The following NRXN1 variants were observed in gnomAD, a reference collection of about 807,000 sequenced individuals.
NRXN1 encodes the protein neurexin 1.
Under a neutral mutation model 150.9 loss-of-function variants are expected in NRXN1, and 39 were observed. That is an observed-to-expected ratio of 0.26 (90% CI 0.20 to 0.34). The LOEUF (loss-of-function observed/expected upper bound fraction) is 0.34. NRXN1 is among the 10% of genes least tolerant of loss of function. NRXN1 has a pLI of 1.00. For synonymous variants in NRXN1, 924 were observed against 757.0 expected, an observed-to-expected ratio of 1.22 and a Z score of -3.62; for missense variants, 1,815 against 1,949.9, an observed-to-expected ratio of 0.93 and a Z score of 1.30.
At chr2:50,479,777 T>TC (rs1375984419) in intron 15 of NRXN1, among the ~76,000 whole-genome samples, 2 of 131,674 alleles carry the variant, frequency 1.5e-5, no homozygotes, top group East Asian at 4.3e-4. Context: ...CTTTTTTTTT[T>TC]TTTTTTTTTT....
rs1393772127 is a variant in NRXN1 at position 50,627,352 on chromosome 2, CATGT to C, written c.833-3741_833-3738del. Among the ~76,000 whole-genome samples the C allele has an allele frequency of 6.5e-5, 6 of 91,868 alleles. 1 individual carries two copies. The South Asian group carries it at 2.9e-3, about 44-fold the overall frequency. 60.3% of individuals were successfully genotyped at this position (91,868 alleles called of 152,430 possible). ...ATAGGTAGTCAAGTGGGTTCTGGTT[CATGT>C]ATGTGTGTGTGTGTGTGTGTGTGTG... is the stretch of plus-strand genomic sequence containing the variant. On this transcript the variant is annotated intron_variant, in intron 5 of 22. Coordinates refer to ENST00000401669, the MANE Select transcript of NRXN1 (RefSeq NM_001330078.2).
intron 8 of NRXN1, among the ~76,000 whole-genome samples, chr2:50,576,134 T>A (rs1671404454): frequency 6.6e-6 from 1 of 152,190 alleles, no homozygotes; most frequent in South Asian, 2.1e-4. Flanking sequence ...TCCATACACA[T>A]ATTTTCAGAA....
chr2:50,231,619 C>T (rs2064948887), intron 18 of NRXN1, among the ~76,000 whole-genome samples: 1 of 152,054 alleles, frequency 6.6e-6, no homozygotes, highest in Non-Finnish European at 1.5e-5. Flanking sequence ...CTCTTTTATG[C>T]TCCCAAGATG....
At chr2:50,007,694 A>G (rs575612538) in intron 21 of NRXN1, among the ~76,000 whole-genome samples, 1 of 152,206 alleles carries the variant, frequency 6.6e-6, no homozygotes, top group East Asian at 1.9e-4. Context: ...ATAAACATAC[A>G]TGTGCATGTG....
chr2:50,590,601 G>C (rs750051518), intron 8 of NRXN1, among the ~76,000 whole-genome samples: 4 of 152,078 alleles, frequency 2.6e-5, no homozygotes, highest in Admixed American at 6.6e-5. Flanking sequence ...CAGTGTGATG[G>C]GGCCTTTAGG....
intron 22 of NRXN1, among the ~76,000 whole-genome samples, chr2:49,932,064 TGTGTGTG>T (rs1670222217): frequency 6.9e-6 from 1 of 144,682 alleles, no homozygotes; most frequent in African/African-American, 2.9e-5. Context: ...TGTGTGTGCA[TGTGTGTG>T]AATGTGTGTG....
intron 15 of NRXN1, among the ~76,000 whole-genome samples, chr2:50,495,528 A>C (rs1460305206): frequency 6.6e-6 from 1 of 151,952 alleles, no homozygotes; most frequent in Non-Finnish European, 1.5e-5. Flanking sequence ...AAGGAAAGAA[A>C]ACTAATAAGC....
intron 5 of NRXN1, among the ~76,000 whole-genome samples, chr2:50,626,671 G>C (rs553793122): frequency 6.6e-6 from 1 of 151,954 alleles, no homozygotes; most frequent in Non-Finnish European, 1.5e-5. Context: ...AAACTTGTCA[G>C]ACAATAAAGT....
chr2:50,121,263 CGCCTGCCTCAGCCT>C (rs1558921437), intron 18 of NRXN1, among the ~76,000 whole-genome samples: 1 of 152,164 alleles, frequency 6.6e-6, no homozygotes, highest in East Asian at 1.9e-4. Flanking sequence ...CCTTAAGATC[CGCCTGCCTCAGCCT>C]CCCAAAGTGC....
chr2:50,520,006 G>A (rs953010636), intron 12 of NRXN1, among the ~76,000 whole-genome samples: 4 of 151,884 alleles, frequency 2.6e-5, no homozygotes, highest in African/African-American at 9.7e-5. Flanking sequence ...TAAAATTAGA[G>A]AACGGGGTGC....
intron 10 of NRXN1, 145 bp downstream of exon 10, chr2:50,538,108 A>C: frequency 1.2e-6 from 1 of 830,260 alleles, no homozygotes; most frequent in African/African-American, 1.7e-5. Flanking sequence ...TTAGTAATCC[A>C]TGTCAGGTAT....
chr2:50,740,363 T>C (rs1392109524), intron 5 of NRXN1, among the ~76,000 whole-genome samples: 1 of 152,196 alleles, frequency 6.6e-6, no homozygotes, highest in Admixed American at 6.6e-5. Context: ...TATCTAAGGA[T>C]GCAGTTATAT....
chr2:50,659,549 G>C (rs1440055790), intron 5 of NRXN1, among the ~76,000 whole-genome samples: 1 of 151,512 alleles, frequency 6.6e-6, no homozygotes, highest in East Asian at 1.9e-4. Context: ...ATAAATTATT[G>C]AGAATTTCAT....
chr2:51,005,793 A>C (rs1453370462), intron 2 of NRXN1, among the ~76,000 whole-genome samples: 1 of 151,970 alleles, frequency 6.6e-6, no homozygotes, highest in African/African-American at 2.4e-5. Flanking sequence ...TATCAGTAGT[A>C]ACCTTCAATC....
chr2:50,178,306 C>G (rs1274139029), intron 18 of NRXN1, among the ~76,000 whole-genome samples: 1 of 151,960 alleles, frequency 6.6e-6, no homozygotes, highest in Non-Finnish European at 1.5e-5. Context: ...TCAATCTGGT[C>G]TATCCAATGT....
chr2:50,306,729 C>CTT (rs1558493901), intron 17 of NRXN1, among the ~76,000 whole-genome samples: 1 of 152,184 alleles, frequency 6.6e-6, no homozygotes, highest in African/African-American at 2.4e-5. Context: ...TGGAAACAGA[C>CTT]TTTGTTTCTA....
Position 50,592,747 on chromosome 2 carries a change from G to T in NRXN1, c.1320+27275C>A, listed in dbSNP as rs1051093731. On this transcript the variant is annotated intron_variant, in intron 8 of 22. Coordinates refer to ENST00000401669, the MANE Select transcript of NRXN1 (RefSeq NM_001330078.2). Reference sequence around the variant, plus strand: ...ATTCTTTTTTTGATACAGGTATCTAGTTCAGGGGAAAAGATGCTCAGAGTT... The same window carrying T: ...ATTCTTTTTTTGATACAGGTATCTATTTCAGGGGAAAAGATGCTCAGAGTT... 7.9e-5 allele frequency among the ~76,000 whole-genome samples: 12 copies of T among 152,306 alleles called. No homozygotes were observed. The South Asian group carries it at 2.5e-3, about 32-fold the overall frequency.
At position 50,269,819 on chromosome 2, in the gene NRXN1, G is replaced by C. The variant is rs2069348158; in HGVS notation, c.3365-32849C>G. Among the ~76,000 whole-genome samples the C allele has an allele frequency of 2.0e-5, 3 of 152,106 alleles. No individual in the cohort carries two copies. The South Asian group carries it at 6.2e-4, about 32-fold the overall frequency. On this transcript the variant is annotated intron_variant, in intron 17 of 22. Coordinates refer to ENST00000401669, the MANE Select transcript of NRXN1 (RefSeq NM_001330078.2). ...CTGCTAACATAGAGTTTAACATTGAGCCTTAAAGAGGCGGAAAGGTCTAAT... is the reference window on the plus strand; with the variant it reads ...CTGCTAACATAGAGTTTAACATTGACCCTTAAAGAGGCGGAAAGGTCTAAT...
At chr2:50,608,812 T>C (rs576028871) in intron 8 of NRXN1, among the ~76,000 whole-genome samples, 75 of 152,228 alleles carry the variant, frequency 4.9e-4, no homozygotes, top group African/African-American at 1.3e-3. Flanking sequence ...GAAGACTAAT[T>C]GCTTCTGAAA....
Sources: allele counts gnomAD v4.1 joint callset (sites outside exome capture counted in the v4.1 genomes callset), GRCh38; gene constraint gnomAD v4.1.1; transcripts MANE v1.5; gene names NCBI Gene and HGNC (gene_info 2026-07-23, HGNC 2026-07-21).